Variants in ENAH observed in about 807,000 individuals in gnomAD.
ENAH encodes ENAH actin regulator.
In ENAH, 23 loss-of-function variants were observed where a neutral mutation model predicts 78.7. That is an observed-to-expected ratio of 0.29 (90% CI 0.21 to 0.41). The LOEUF (loss-of-function observed/expected upper bound fraction) is 0.41, where lower values mean the gene tolerates loss of function less well. Among genes scored for constraint, ENAH ranks in the 10% least tolerant of loss-of-function variants. The probability of loss-of-function intolerance (pLI) is 1.00; values close to 1 mark genes in which losing one functional copy is unlikely to be tolerated. For missense variants in ENAH, 544 were observed against 691.0 expected, an observed-to-expected ratio of 0.79 and a Z score of 2.39; for synonymous variants, 226 against 241.0, an observed-to-expected ratio of 0.94 and a Z score of 0.58.
chr1:225,586,748 G>A (rs996560557), intron 1 of ENAH, among the ~76,000 whole-genome samples: 20 of 152,130 alleles, frequency 1.3e-4, no homozygotes, highest in Admixed American at 3.9e-4. Context: ...GAAAAAGGCC[G>A]AGCATGGTGG....
intron 1 of ENAH, among the ~76,000 whole-genome samples, chr1:225,591,934 T>C (rs2096879163): frequency 6.6e-6 from 1 of 152,306 alleles, no homozygotes; most frequent in Admixed American, 6.5e-5. Context: ...ATTCTGGCTC[T>C]GTCATTTCCT....
At chr1:225,522,281 G>C (rs1051069197) in intron 4 of ENAH, among the ~76,000 whole-genome samples, 70 of 152,130 alleles carry the variant, frequency 4.6e-4, no homozygotes, top group African/African-American at 1.7e-3. Flanking sequence ...TCCTAAGCTG[G>C]CTATACAACA....
Position 225,514,803 on chromosome 1 carries a change from A to T in ENAH, c.1011T>A (p.Pro337=). 2 of 797,232 alleles carry T rather than the reference A, an allele frequency of 2.5e-6. No homozygotes were observed. The highest frequency in any genetic ancestry group is 3.0e-6 in the Non-Finnish European group (2 of 664,264). 49.4% of individuals were successfully genotyped at this position (797,232 alleles called of 1,614,324 possible). A position where few individuals can be genotyped will look rare whatever the true frequency, so the allele number is the denominator to read the frequency against. ...CGGTGGATGGGAGTGGAGGAGGTGG[A>T]GGGGGCCCTGGGGGAGGAGGGAGGG... ...SVALPPPPGP[P]PPPPLPSTGP... is the part of the protein sequence containing the mutation. The change falls in exon 7 of 14, where the codon CCT becomes CCA. Residue 337 remains proline, a synonymous_variant. Coordinates refer to ENST00000366843, the MANE Select transcript of ENAH (RefSeq NM_018212.6).
chr1:225,555,095 T>TATG lies in ENAH; in HGVS notation c.172-13_172-12insCAT. ...CAGTTTATCACGACCTAAAAAATAATAATTCTTTATAAAGTCAAACCAATA... is the reference window on the plus strand; with the variant it reads ...CAGTTTATCACGACCTAAAAAATAATATGAATTCTTTATAAAGTCAAACCAATA... On this transcript the variant is annotated splice_polypyrimidine_tract_variant and intron_variant, in intron 2 of 13. Transcript: ENST00000366843. 1 of 1,506,334 alleles carries TATG rather than the reference T, an allele frequency of 6.6e-7. No individual in the cohort carries two copies. The highest frequency in any genetic ancestry group is 9.0e-7 in the Non-Finnish European group (1 of 1,107,552). 93.3% of individuals were successfully genotyped at this position (1,506,334 alleles called of 1,614,324 possible).
chr1:225,560,259 A>G (rs1445230309), intron 2 of ENAH, among the ~76,000 whole-genome samples: 2 of 151,802 alleles, frequency 1.3e-5, no homozygotes, highest in Non-Finnish European at 2.9e-5. Flanking sequence ...TGGGAGGCTG[A>G]GGCAGGTAGA....
At chr1:225,611,062 G>A (rs1317400364) in intron 1 of ENAH, among the ~76,000 whole-genome samples, 2 of 152,174 alleles carry the variant, frequency 1.3e-5, no homozygotes, top group Admixed American at 6.5e-5. Flanking sequence ...GGGTCAGGTG[G>A]GGTTACTCTT....
At chr1:225,638,027 G>A (rs1660368501) in intron 1 of ENAH, among the ~76,000 whole-genome samples, 1 of 152,116 alleles carries the variant, frequency 6.6e-6, no homozygotes, top group Non-Finnish European at 1.5e-5. Context: ...ACAATAAACA[G>A]AATATGCCCA....
chr1:225,524,103 TA>T (rs1040328205), intron 4 of ENAH, among the ~76,000 whole-genome samples: 2 of 152,154 alleles, frequency 1.3e-5, no homozygotes, highest in African/African-American at 4.8e-5. Flanking sequence ...TTTAAGCATT[TA>T]AAAAATATCA....
At chr1:225,572,690 A>AAATG (rs2096769312) in intron 1 of ENAH, among the ~76,000 whole-genome samples, 1 of 152,230 alleles carries the variant, frequency 6.6e-6, no homozygotes, top group Non-Finnish European at 1.5e-5. Context: ...ACAAGCCTCA[A>AAATG]AATGAATGCC....
At chr1:225,651,078 G>T (rs1169058473) in intron 1 of ENAH, among the ~76,000 whole-genome samples, 3 of 151,754 alleles carry the variant, frequency 2.0e-5, no homozygotes, top group Admixed American at 2.0e-4. Flanking sequence ...TAAAAAAAAA[G>T]AAGTCATGCT....
intron 1 of ENAH, among the ~76,000 whole-genome samples, chr1:225,583,912 G>A (rs1016140042): frequency 2.0e-5 from 3 of 152,142 alleles, no homozygotes; most frequent in Non-Finnish European, 4.4e-5. Context: ...CAGCACTTTG[G>A]GAGGCCAAGG....
chr1:225,501,939 T>C (rs1308602578), intron 11 of ENAH, among the ~76,000 whole-genome samples: 1 of 152,180 alleles, frequency 6.6e-6, no homozygotes, highest in African/African-American at 2.4e-5. Context: ...GTGGAAAACC[T>C]AGAGTTTTAA....
intron 12 of ENAH, among the ~76,000 whole-genome samples, chr1:225,498,778 C>T (rs758799025): frequency 6.6e-6 from 1 of 152,182 alleles, no homozygotes; most frequent in African/African-American, 2.4e-5. Flanking sequence ...GAAGATATTA[C>T]AGTAAACTGA....
intron 1 of ENAH, among the ~76,000 whole-genome samples, chr1:225,603,206 C>T (rs1181380655): frequency 1.3e-5 from 2 of 152,024 alleles, no homozygotes; most frequent in Non-Finnish European, 2.9e-5. Context: ...GAAGACTCAA[C>T]CTTTAAGCAG....
chr1:225,610,172 A>G (rs1169143661), intron 1 of ENAH, among the ~76,000 whole-genome samples: 1 of 151,260 alleles, frequency 6.6e-6, no homozygotes, highest in Non-Finnish European at 1.5e-5. Context: ...AAAAAAAAAA[A>G]CTAGCATTGC....
chr1:225,576,209 G>A lies in ENAH; in HGVS notation c.6-8795C>T, dbSNP rs544450382. ...GGAGGATCACTTGAGCCAGGAGTTC[G>A]AGGCCACAGTGAGTCATGATCATGT... On this transcript the variant is annotated intron_variant, in intron 1 of 13. Transcript: ENST00000366843. 7.4e-4 allele frequency among the ~76,000 whole-genome samples: 111 copies of A among 149,960 alleles called. 1 individual carries two copies. The highest frequency in any genetic ancestry group is 2.5e-3 in the African/African-American group (102 of 40,706).
rs1466541400 is a variant in ENAH, at chr1:225,489,353, C to T, written c.*8422G>A. The T allele has an allele frequency of 2.6e-5, 4 of 152,072 alleles. No homozygotes were observed. Among genetic ancestry groups the T allele is most frequent in the African/African-American group, 9.7e-5 (4 of 41,402 alleles). 9.4% of individuals were successfully genotyped at this position (152,072 alleles called of 1,614,324 possible). ...TAATTCAAACTGTGAAAGCACGTGGCGCAGAGGAAACTGACACAGAACAGC... is the reference window on the plus strand; with the variant it reads ...TAATTCAAACTGTGAAAGCACGTGGTGCAGAGGAAACTGACACAGAACAGC... On this transcript the variant is annotated 3_prime_UTR_variant, in exon 14 of 14. Transcript: ENST00000366843.
intron 3 of ENAH, among the ~76,000 whole-genome samples, chr1:225,534,411 T>G (rs1441230680): frequency 6.6e-6 from 1 of 152,150 alleles, no homozygotes; most frequent in Non-Finnish European, 1.5e-5. Flanking sequence ...TTCTTTTCTT[T>G]CCTTTTTTCT....
chr1:225,510,050 CTG>C (rs1260487245), intron 10 of ENAH, among the ~76,000 whole-genome samples: 1 of 152,240 alleles, frequency 6.6e-6, no homozygotes, highest in Non-Finnish European at 1.5e-5. Flanking sequence ...AACTTCACAC[CTG>C]TGTGTCTCAT....
Sources: gnomAD v4.1 joint callset for allele counts (sites outside exome capture counted in the v4.1 genomes callset) on GRCh38, gnomAD v4.1.1 for gene constraint, MANE v1.5 for transcripts, NCBI Gene and HGNC (gene_info 2026-07-23, HGNC 2026-07-21) for gene names.